Variants in CSMD1 observed in about 807,000 individuals in gnomAD.
CSMD1 encodes the protein CUB and sushi domain-containing protein 1.
CSMD1 carries 213 observed loss-of-function variants against 417.5 expected under a neutral mutation model. That is an observed-to-expected ratio of 0.51 (90% CI 0.46 to 0.57). The LOEUF is 0.57. CSMD1 is among the 20% of genes least tolerant of loss of function. The pLI is 0.00. For synonymous variants in CSMD1, 2,862 were observed against 1,736.8 expected (o/e 1.65, Z -16.11); for missense variants, 6,923 against 4,529.7 (o/e 1.53, Z -15.17).
chr8:3,184,672 T>A (rs1328416292), intron 36 of CSMD1, among the ~76,000 whole-genome samples: 1 of 152,222 alleles, frequency 6.6e-6, no homozygotes, highest in Non-Finnish European at 1.5e-5. Context: ...AAATTTTAGG[T>A]CAACTTCCTG....
intron 2 of CSMD1, among the ~76,000 whole-genome samples, chr8:4,446,093 C>T (rs554694835): frequency 2.0e-5 from 3 of 152,202 alleles, no homozygotes; most frequent in Admixed American, 1.3e-4. Context: ...TCCGTGTTCA[C>T]TGTAGACAGC....
intron 25 of CSMD1, among the ~76,000 whole-genome samples, chr8:3,299,626 G>C (rs1336935094): frequency 6.6e-5 from 10 of 152,108 alleles, no homozygotes; most frequent in Non-Finnish European, 8.8e-5. Flanking sequence ...AGTGTGGGAA[G>C]GCTCTTGTCC....
At chr8:3,264,656 C>A (rs573463818) in intron 26 of CSMD1, among the ~76,000 whole-genome samples, 1 of 152,232 alleles carries the variant, frequency 6.6e-6, no homozygotes, top group South Asian at 2.1e-4. Context: ...AAGGGAAGTA[C>A]TCATCAAAAC....
At chr8:4,202,107 G>T (rs1381070033) in intron 3 of CSMD1, among the ~76,000 whole-genome samples, 4 of 150,982 alleles carry the variant, frequency 2.6e-5, no homozygotes, top group African/African-American at 9.7e-5. Context: ...TTTTTTGTTA[G>T]TTTTTTTTTC....
At chr8:4,618,165 G>A (rs1801580853) in intron 2 of CSMD1, among the ~76,000 whole-genome samples, 2 of 151,996 alleles carry the variant, frequency 1.3e-5, no homozygotes, top group South Asian at 4.2e-4. Context: ...CCAAACCTAG[G>A]GACCACCCAT....
chr8:4,114,783 G>T (rs1445163149), intron 3 of CSMD1, among the ~76,000 whole-genome samples: 3 of 152,170 alleles, frequency 2.0e-5, no homozygotes, highest in Admixed American at 1.3e-4. Flanking sequence ...TTCAGCAGAG[G>T]TACCTGCAGA....
chr8:3,833,050 T>C (rs1181788931), intron 5 of CSMD1, among the ~76,000 whole-genome samples: 1 of 152,212 alleles, frequency 6.6e-6, no homozygotes, highest in East Asian at 1.9e-4. Context: ...GGGCTTTCCA[T>C]TTCATGGCAG....
At chr8:4,768,263 C>G (rs1260982774) in intron 1 of CSMD1, among the ~76,000 whole-genome samples, 1 of 152,022 alleles carries the variant, frequency 6.6e-6, no homozygotes, top group Non-Finnish European at 1.5e-5. Context: ...ATGTCAGCCC[C>G]TAACCTCCGA....
intron 25 of CSMD1, among the ~76,000 whole-genome samples, chr8:3,306,659 G>T (rs1406545420): frequency 1.4e-5 from 2 of 146,342 alleles, no homozygotes; most frequent in African/African-American, 5.6e-5. Context: ...TAACAACAAT[G>T]AAACAGAAAG....
At chr8:4,061,604 C>G (rs562795244) in intron 3 of CSMD1, among the ~76,000 whole-genome samples, 1 of 152,292 alleles carries the variant, frequency 6.6e-6, no homozygotes, top group African/African-American at 2.4e-5. Context: ...GTTCCAGACA[C>G]TAGGACCTGT....
intron 2 of CSMD1, among the ~76,000 whole-genome samples, chr8:4,486,304 G>C (rs1342139277): frequency 1.4e-5 from 2 of 146,698 alleles, no homozygotes; most frequent in East Asian, 4.0e-4. Flanking sequence ...GGCACATAGA[G>C]CTTTTATCCC....
Position 4,109,071 on chromosome 8 carries a change from G to C in CSMD1, c.416-76972C>G, listed in dbSNP as rs1023540668. Among the ~76,000 whole-genome samples the C allele has an allele frequency of 9.9e-5, 15 of 152,252 alleles. No homozygotes were observed. In the East Asian group the frequency reaches 1.7e-3, roughly 18 times the overall value. On this transcript the variant is annotated intron_variant, in intron 3 of 69. Transcript: ENST00000635120. The stretch of plus-strand genomic sequence containing the variant: ...CGTCATATAAAATGGCATAGTATTT[G>C]CATATAACCGCATCCATTCTCCCTA...
At chr8:4,913,661 G>C (rs540733786) in intron 1 of CSMD1, among the ~76,000 whole-genome samples, 8 of 152,146 alleles carry the variant, frequency 5.3e-5, no homozygotes, top group Non-Finnish European at 8.8e-5. Flanking sequence ...CAGATGTACT[G>C]TGCAGATTAG....
At chr8:3,897,226 C>G (rs1807429768) in intron 5 of CSMD1, among the ~76,000 whole-genome samples, 1 of 152,154 alleles carries the variant, frequency 6.6e-6, no homozygotes. Flanking sequence ...AGTGAGATGA[C>G]ACAGCCTACC....
At chr8:4,452,318 G>GT (rs1799194067) in intron 2 of CSMD1, among the ~76,000 whole-genome samples, 1 of 152,306 alleles carries the variant, frequency 6.6e-6, no homozygotes, top group South Asian at 2.1e-4. Flanking sequence ...TATTTCTACA[G>GT]TTTTTGAAAG....
intron 2 of CSMD1, among the ~76,000 whole-genome samples, chr8:4,623,465 A>G (rs982867811): frequency 2.6e-5 from 4 of 152,140 alleles, no homozygotes; most frequent in Non-Finnish European, 5.9e-5. Context: ...CTACCCACCC[A>G]TTCCACTCTT....
chr8:3,925,499 G>A (rs934384086), intron 5 of CSMD1, among the ~76,000 whole-genome samples: 7 of 152,188 alleles, frequency 4.6e-5, no homozygotes, highest in South Asian at 2.1e-4. Context: ...AGACACTGAT[G>A]CGGTTTGGCT....
At chr8:3,751,787 C>G (rs1224363511) in intron 6 of CSMD1, among the ~76,000 whole-genome samples, 1 of 152,064 alleles carries the variant, frequency 6.6e-6, no homozygotes, top group African/African-American at 2.4e-5. Context: ...ATACAAATGC[C>G]AAGTTCACTG....
intron 3 of CSMD1, among the ~76,000 whole-genome samples, chr8:4,173,142 G>C (rs536799947): frequency 8.1e-4 from 123 of 152,216 alleles, no homozygotes; most frequent in African/African-American, 2.8e-3. Flanking sequence ...ACAAGTATAG[G>C]GTTGCTAGAT....
Sources: gnomAD v4.1 joint callset for allele counts (sites outside exome capture counted in the v4.1 genomes callset) on GRCh38, gnomAD v4.1.1 for gene constraint, MANE v1.5 for transcripts, NCBI Gene and HGNC (gene_info 2026-07-23, HGNC 2026-07-21) for gene names.